The following ANTXR2 variants were observed in gnomAD, a reference collection of about 807,000 sequenced individuals.
ANTXR2 encodes ANTXR cell adhesion molecule 2.
ANTXR2 carries 44 observed loss-of-function variants against 73.7 expected under a neutral mutation model. The observed-to-expected ratio is 0.60, with a 90% CI of 0.47 to 0.77. The LOEUF is 0.77. Among genes scored for constraint, ANTXR2 ranks in the 30% least tolerant of loss-of-function variants. The probability of loss-of-function intolerance (pLI) is 0.00; values close to 1 mark genes in which losing one functional copy is unlikely to be tolerated. For synonymous variants in ANTXR2, 217 were observed against 205.9 expected, an observed-to-expected ratio of 1.05 and a Z score of -0.46; for missense variants, 604 against 592.5, an observed-to-expected ratio of 1.02 and a Z score of -0.20.
chr4:79,985,720 T>C (rs1229721776), intron 12 of ANTXR2, among the ~76,000 whole-genome samples: 1 of 152,098 alleles, frequency 6.6e-6, no homozygotes, highest in Non-Finnish European at 1.5e-5. Context: ...ACTGAGAGTC[T>C]CCTAACTCAG....
chr4:79,961,630 G>C (rs189262892), intron 16 of ANTXR2, among the ~76,000 whole-genome samples: 2 of 151,914 alleles, frequency 1.3e-5, no homozygotes, highest in Non-Finnish European at 2.9e-5. Flanking sequence ...TGTAGAGACG[G>C]GGTCTCCCTA....
intron 7 of ANTXR2, among the ~76,000 whole-genome samples, chr4:80,051,374 A>G (rs1733767841): frequency 6.6e-6 from 1 of 151,766 alleles, no homozygotes; most frequent in African/African-American, 2.4e-5. Flanking sequence ...TCAAGTTTAT[A>G]TCCTTCTTCT....
intron 16 of ANTXR2, among the ~76,000 whole-genome samples, chr4:79,966,153 C>CACACA (rs1241802192): frequency 6.8e-6 from 1 of 147,380 alleles, no homozygotes; most frequent in East Asian, 2.0e-4. Flanking sequence ...CACACACACA[C>CACACA]ACTACTCTAA....
At chr4:80,014,510 G>A (rs546294118) in intron 11 of ANTXR2, among the ~76,000 whole-genome samples, 2 of 152,148 alleles carry the variant, frequency 1.3e-5, no homozygotes, top group East Asian at 3.9e-4. Flanking sequence ...AGATTGCAGT[G>A]AGCCAAACTG....
intron 12 of ANTXR2, among the ~76,000 whole-genome samples, chr4:80,001,310 T>A (rs1467963577): frequency 2.2e-5 from 2 of 91,922 alleles, no homozygotes; most frequent in Non-Finnish European, 4.3e-5. Context: ...ATGCTATCCC[T>A]CCCCCCTCCC....
intron 16 of ANTXR2, among the ~76,000 whole-genome samples, chr4:79,927,805 C>A (rs560336144): frequency 6.6e-6 from 1 of 152,064 alleles, no homozygotes; most frequent in Admixed American, 6.6e-5. Context: ...TATCATACTT[C>A]GCACCTATTA....
At position 80,031,660 on chromosome 4, in the gene ANTXR2, T is replaced by C. The variant is rs1003051610; in HGVS notation, c.829A>G (p.Met277Val). Residue 277 changes from methionine to valine, a missense_variant, in exon 10 of 17, where the codon ATG becomes GTG. Transcript: ENST00000403729. ...VKPVSVQLNSMLCPAPILNKA... is the reference protein window; with the variant it reads ...VKPVSVQLNSVLCPAPILNKA... ...TTCAGGATAGGTGCAGGACAAAGCA[T>C]AGAATTAAGCTGTACACTTACTGGT... 2 of 1,533,090 alleles carry C rather than the reference T, an allele frequency of 1.3e-6. No individual in the cohort carries two copies. Among genetic ancestry groups the C allele is most frequent in the East Asian group, 2.5e-5 (1 of 40,238 alleles). 95.0% of individuals were successfully genotyped at this position (1,533,090 alleles called of 1,614,324 possible). A position where few individuals can be genotyped will look rare whatever the true frequency, so the allele number is the denominator to read the frequency against.
intron 6 of ANTXR2, 128 bp downstream of exon 6, chr4:80,055,022 G>T: frequency 1.2e-6 from 1 of 812,934 alleles, no homozygotes. Context: ...AAAACCTACA[G>T]CCATTTCTAT....
At chr4:80,015,908 AAGGAAAGGAAAGGAAAAAGG>A (rs1560993822) in intron 11 of ANTXR2, among the ~76,000 whole-genome samples, 54 of 59,762 alleles carry the variant, frequency 9.0e-4, no homozygotes, top group East Asian at 5.2e-3. Context: ...AAGGAAAGGA[AAGGAAAGGAAAGGAAAAAGG>A]AAAGGAAAGG....
intron 12 of ANTXR2, among the ~76,000 whole-genome samples, chr4:80,002,721 A>G (rs1034910311): frequency 2.6e-5 from 4 of 152,104 alleles, no homozygotes; most frequent in Non-Finnish European, 5.9e-5. Context: ...CAAGAAAAAA[A>G]CCAACAACCC....
intron 4 of ANTXR2, 80 bp downstream of exon 4, chr4:80,055,852 T>G: frequency 1.9e-6 from 2 of 1,056,048 alleles, no homozygotes; most frequent in Non-Finnish European, 2.7e-6. Flanking sequence ...ATGAGGTTAC[T>G]GAGCTTTGCT....
chr4:79,993,863 A>C lies in ANTXR2; in HGVS notation c.1042-9000T>G, dbSNP rs141743172. Reference sequence around the variant, plus strand: ...TGCCATATATCTACTGAGTCTACCAATCTGGAACCTAAATATATCAAACAT... The same window carrying C: ...TGCCATATATCTACTGAGTCTACCACTCTGGAACCTAAATATATCAAACAT... On this transcript the variant is annotated intron_variant, in intron 12 of 16. Transcript: ENST00000403729. 2.4e-4 allele frequency among the ~76,000 whole-genome samples: 37 copies of C among 151,708 alleles called. 1 individual carries two copies. Among genetic ancestry groups the C allele is most frequent in the African/African-American group, 8.5e-4 (35 of 41,378 alleles).
intron 14 of ANTXR2, among the ~76,000 whole-genome samples, chr4:79,981,464 T>A (rs1357110681): frequency 6.6e-6 from 1 of 152,260 alleles, no homozygotes; most frequent in African/African-American, 2.4e-5. Flanking sequence ...TAAATTCATT[T>A]ATGTTTGACG....
At chr4:79,923,714 G>C (rs1008059313) in intron 16 of ANTXR2, among the ~76,000 whole-genome samples, 7 of 152,096 alleles carry the variant, frequency 4.6e-5, no homozygotes, top group African/African-American at 1.7e-4. Flanking sequence ...TAGTGAAAGT[G>C]TTTAAATCAG....
At position 79,905,597 on chromosome 4, in the gene ANTXR2, G is replaced by A. The variant is rs2109920437; in HGVS notation, c.*1832C>T. 1 of 152,256 alleles carries A rather than the reference G, an allele frequency of 6.6e-6. No homozygotes were observed. The highest frequency in any genetic ancestry group is 2.4e-5 in the African/African-American group (1 of 41,528). The allele number at this position is 152,256 out of a possible 1,614,324, so 9.4% of individuals were successfully genotyped here. A position where few individuals can be genotyped will look rare whatever the true frequency, so the allele number is the denominator to read the frequency against. On this transcript the variant is annotated 3_prime_UTR_variant, in exon 17 of 17. Transcript: ENST00000403729. ...ATAGGTAAAATTTTTATTTATGAAT[G>A]TGTGGACACATGACTTTGGATCCAG... is the stretch of plus-strand genomic sequence containing the variant.
intron 16 of ANTXR2, among the ~76,000 whole-genome samples, chr4:79,976,487 C>A (rs1160515572): frequency 4.7e-5 from 7 of 150,358 alleles, no homozygotes; most frequent in Non-Finnish European, 1.0e-4. Context: ...GTTACCACCA[C>A]TTTCCATGAC....
At chr4:80,036,121 T>C in intron 7 of ANTXR2, 89 bp from the exon 8 acceptor site, 1 of 1,066,888 alleles carries the variant, frequency 9.4e-7, no homozygotes, top group Non-Finnish European at 1.3e-6. Flanking sequence ...AACCTTGAGG[T>C]CTTCTCCATA....
At chr4:79,922,190 C>T (rs1367663022) in intron 16 of ANTXR2, among the ~76,000 whole-genome samples, 2 of 152,032 alleles carry the variant, frequency 1.3e-5, no homozygotes, top group African/African-American at 2.4e-5. Context: ...AGCATGAAAT[C>T]CCTACTTCTA....
intron 10 of ANTXR2, among the ~76,000 whole-genome samples, chr4:80,026,062 T>A (rs887126005): frequency 3.9e-5 from 6 of 152,104 alleles, no homozygotes; most frequent in Admixed American, 3.9e-4. Context: ...TCAAATTGAG[T>A]GCCTTTCATC....
Sources: allele counts gnomAD v4.1 joint callset (sites outside exome capture counted in the v4.1 genomes callset), GRCh38; gene constraint gnomAD v4.1.1; transcripts MANE v1.5; gene names NCBI Gene and HGNC (gene_info 2026-07-23, HGNC 2026-07-21).